PDZD2: variants seen among roughly 807,000 people sequenced by gnomAD.
PDZD2 encodes the protein PDZ domain-containing protein 2.
Under a neutral mutation model 220.7 loss-of-function variants are expected in PDZD2, and 90 were observed. That is an observed-to-expected ratio of 0.41 (90% CI 0.34 to 0.49). PDZD2 has a LOEUF of 0.49. PDZD2 is among the 20% of genes least tolerant of loss of function. PDZD2 has a pLI of 0.28. For synonymous variants in PDZD2, 1,375 were observed against 1,450.5 expected, an observed-to-expected ratio of 0.95 and a Z score of 1.18; for missense variants, 3,174 against 3,608.5, an observed-to-expected ratio of 0.88 and a Z score of 3.08.
intron 2 of PDZD2, among the ~76,000 whole-genome samples, chr5:31,868,911 TAC>T (rs1230584043): frequency 6.6e-6 from 1 of 152,192 alleles, no homozygotes; most frequent in Non-Finnish European, 1.5e-5. Flanking sequence ...TAGCTGGAAC[TAC>T]AGGCGTGCGC....
At position 31,983,144 on chromosome 5, in the gene PDZD2, G is replaced by C; in HGVS notation, c.477-11G>C. The C allele has an allele frequency of 6.2e-7, 1 of 1,607,660 alleles. No homozygotes were observed. The highest frequency in any genetic ancestry group is 1.7e-4 in the Middle Eastern group (1 of 6,020). ...GTGGGGTTCTAACTGGCACCTCTCT[G>C]TCTGTTGCAGTTACCTGGCTGAGCA... On this transcript the variant is annotated splice_polypyrimidine_tract_variant and intron_variant, in intron 2 of 24. Coordinates refer to ENST00000438447, the MANE Select transcript of PDZD2 (RefSeq NM_178140.4).
chr5:31,864,379 G>A (rs537325324), intron 2 of PDZD2, among the ~76,000 whole-genome samples: 9 of 152,192 alleles, frequency 5.9e-5, no homozygotes, highest in Admixed American at 3.3e-4. Flanking sequence ...AGTCTCCAGC[G>A]AAACCTTTTT....
chr5:31,968,457 C>T (rs1748963403), intron 2 of PDZD2, among the ~76,000 whole-genome samples: 1 of 152,080 alleles, frequency 6.6e-6, no homozygotes, highest in South Asian at 2.1e-4. Context: ...AATTCGAGAC[C>T]AGCCTGACCA....
chr5:31,652,389 A>G (rs1745386599), intron 1 of PDZD2, among the ~76,000 whole-genome samples: 1 of 152,188 alleles, frequency 6.6e-6, no homozygotes, highest in Non-Finnish European at 1.5e-5. Flanking sequence ...GGTCCTGCAG[A>G]TAGGAGATGG....
chr5:31,738,061 G>T (rs1322946935), intron 1 of PDZD2, among the ~76,000 whole-genome samples: 27 of 152,258 alleles, frequency 1.8e-4, no homozygotes, highest in Non-Finnish European at 1.5e-5. Context: ...TTACATTTTT[G>T]GAATGTTCGA....
In PDZD2 at chr5:32,090,516, G is replaced by A; in HGVS notation, c.7068G>A (p.Gly2356=). The change falls in exon 20 of 25, where the codon GGG becomes GGA. Residue 2356 remains glycine, a synonymous_variant. Transcript: ENST00000438447. This position sits in a 1 kb window ranked among gnomAD's most constrained non-coding sequence, Gnocchi z 4.3. ...ANADRPVAKS[G]ASPFLSVSSK... ...CTGACCGGCCTGTAGCCAAGTCCGGGGCTTCCCCATTTTTGTCGGTGAGCT... is the reference window on the plus strand; with the variant it reads ...CTGACCGGCCTGTAGCCAAGTCCGGAGCTTCCCCATTTTTGTCGGTGAGCT... The A allele has an allele frequency of 6.2e-7, 1 of 1,613,940 alleles. No individual in the cohort carries two copies. Among genetic ancestry groups the A allele is most frequent in the Non-Finnish European group, 8.5e-7 (1 of 1,179,972 alleles).
chr5:31,880,574 T>A (rs1403380343), intron 2 of PDZD2, among the ~76,000 whole-genome samples: 1 of 152,264 alleles, frequency 6.6e-6, no homozygotes, highest in Non-Finnish European at 1.5e-5. Context: ...GCAGGAACCC[T>A]ATTTTGATTG....
Position 32,088,646 on chromosome 5 carries a change from G to GCTT in PDZD2, c.5199_5201dup (p.Gly1733_Leu1734insPhe). On this transcript the variant is annotated inframe_insertion, in exon 20 of 25. Coordinates refer to ENST00000438447, the MANE Select transcript of PDZD2 (RefSeq NM_178140.4). The surrounding 1 kb of genome is among the most constrained non-coding windows in gnomAD (Gnocchi z 4.6). ...CTCAGCTCCCCCAACATGGTAAATG[G>GCTT]CTTGGAACATGACCTGCTAGATGAC... is the stretch of plus-strand genomic sequence containing the variant. 1 of 1,613,968 alleles carries GCTT rather than the reference G, an allele frequency of 6.2e-7. No individual in the cohort carries two copies. Among genetic ancestry groups the GCTT allele is most frequent in the Non-Finnish European group, 8.5e-7 (1 of 1,179,920 alleles).
intron 2 of PDZD2, among the ~76,000 whole-genome samples, chr5:31,915,779 A>G (rs1743624450): frequency 6.6e-6 from 1 of 152,234 alleles, no homozygotes; most frequent in Non-Finnish European, 1.5e-5. Context: ...AGACAGGTTA[A>G]TATCCACTTG....
intron 1 of PDZD2, chr5:31,725,505 T>C: frequency 7.8e-7 from 1 of 1,278,946 alleles, no homozygotes; most frequent in Non-Finnish European, 1.1e-6. Flanking sequence ...GATCCATGTC[T>C]AAAAATGATC....
At chr5:31,764,937 C>T (rs917646472) in intron 1 of PDZD2, among the ~76,000 whole-genome samples, 4 of 152,064 alleles carry the variant, frequency 2.6e-5, no homozygotes, top group African/African-American at 4.8e-5. Context: ...ACTCTCTGGG[C>T]GTGGTGGTAC....
At position 31,920,663 on chromosome 5, in the gene PDZD2, C is replaced by T. The variant is rs1042571721; in HGVS notation, c.477-62492C>T. 1.4e-4 allele frequency among the ~76,000 whole-genome samples: 21 copies of T among 151,634 alleles called. 1 individual carries two copies. Among genetic ancestry groups the T allele is most frequent in the Middle Eastern group, 3.4e-3 (1 of 294 alleles). Reference sequence around the variant, plus strand: ...TCTAAAAAACAATTTTTTTTTTAAACGAACCAGGCGTGGTGGTGTGTATAA... The same window carrying T: ...TCTAAAAAACAATTTTTTTTTTAAATGAACCAGGCGTGGTGGTGTGTATAA... On this transcript the variant is annotated intron_variant, in intron 2 of 24. Coordinates refer to ENST00000438447, the MANE Select transcript of PDZD2 (RefSeq NM_178140.4).
At chr5:32,095,407 G>A (rs558797757) in intron 21 of PDZD2, among the ~76,000 whole-genome samples, 1 of 152,294 alleles carries the variant, frequency 6.6e-6, no homozygotes, top group East Asian at 1.9e-4. Context: ...TTTCCAATGA[G>A]TATGGTTTGC....
chr5:31,903,992 A>C (rs1472917043), intron 2 of PDZD2, among the ~76,000 whole-genome samples: 2 of 150,966 alleles, frequency 1.3e-5, no homozygotes, highest in Non-Finnish European at 2.9e-5. Flanking sequence ...CCAAAGTGCC[A>C]AAGTGCTGGG....
intron 17 of PDZD2, 127 bp from the exon 18 acceptor site, chr5:32,073,705 G>A: frequency 1.4e-6 from 1 of 706,596 alleles, no homozygotes; most frequent in Non-Finnish European, 2.5e-6. Flanking sequence ...GTGTCCAGTG[G>A]CTGAGGCTGT....
intron 1 of PDZD2, among the ~76,000 whole-genome samples, chr5:31,691,926 G>C (rs1207539263): frequency 6.6e-6 from 1 of 152,276 alleles, no homozygotes; most frequent in Non-Finnish European, 1.5e-5. Context: ...GTCCCCACCA[G>C]ACTCAGGAGC....
At chr5:31,961,590 A>AATAGCATAAGGAAGCTCACTTTTC (rs545173558) in intron 2 of PDZD2, among the ~76,000 whole-genome samples, 311 of 152,216 alleles carry the variant, frequency 2.0e-3, no homozygotes, top group African/African-American at 6.9e-3. Context: ...TTAAGAAAAG[A>AATAGCATAAGGAAGCTCACTTTTC]ATAGCATAAG....
At chr5:31,918,651 T>G (rs1346212842) in intron 2 of PDZD2, among the ~76,000 whole-genome samples, 2 of 152,164 alleles carry the variant, frequency 1.3e-5, no homozygotes, top group African/African-American at 4.8e-5. Flanking sequence ...TTATCTTCCA[T>G]TAGACTTGGC....
chr5:31,680,530 ACTC>A (rs1294265746), intron 1 of PDZD2, among the ~76,000 whole-genome samples: 2 of 151,022 alleles, frequency 1.3e-5, no homozygotes, highest in African/African-American at 4.9e-5. Context: ...AAAAAAAAAT[ACTC>A]CTCATTTATG....
Sources: allele counts gnomAD v4.1 joint callset (sites outside exome capture counted in the v4.1 genomes callset), GRCh38; gene constraint gnomAD v4.1.1; non-coding constraint Gnocchi (gnomAD v3.1); transcripts MANE v1.5; gene names NCBI Gene and HGNC (gene_info 2026-07-23, HGNC 2026-07-21).